H3C11: variants seen among roughly 807,000 people sequenced by gnomAD.
H3C11 encodes H3 clustered histone 11, also known as histone H3.1.
H3C11 carries 10 observed loss-of-function variants against 9.1 expected under a neutral mutation model. That is an observed-to-expected ratio of 1.10 (90% CI 0.68 to 1.86). The LOEUF is 1.86. Ranked by LOEUF, H3C11 falls within the 40% of genes most tolerant of loss-of-function variation. The pLI is 0.00. For synonymous variants in H3C11, 132 were observed against 82.4 expected, an observed-to-expected ratio of 1.60 and a Z score of -3.26; for missense variants, 197 against 192.5, an observed-to-expected ratio of 1.02 and a Z score of -0.14.
chr6:27,871,932 C>T lies in H3C11; in HGVS notation c.384G>A (p.Ala128=), dbSNP rs1293668453. 1.2e-6 allele frequency: 2 copies of T among 1,613,860 alleles called. No individual in the cohort carries two copies. The highest frequency in any genetic ancestry group is 1.3e-5 in the African/African-American group (1 of 74,912). The change falls in exon 1 of 1, where the codon GCG becomes GCA. Residue 128 remains alanine, a synonymous_variant. Transcript: ENST00000616365. Reference sequence around the variant, plus strand: ...ATGCCCTCTCCCCTCGGATGCGGCGCGCAAGCTGGATGTCTTTAGGCATAA... The same window carrying T: ...ATGCCCTCTCCCCTCGGATGCGGCGTGCAAGCTGGATGTCTTTAGGCATAA... ...VTIMPKDIQL[A]RRIRGERA is the part of the protein sequence containing the mutation.
Position 27,871,971 on chromosome 6 carries a change from G to A in H3C11, c.345C>T (p.Ala115=). The part of the protein sequence containing the change: ...FEDTNLCAIH[A]KRVTIMPKDI... ...CTTTAGGCATAATAGTGACGCGTTTGGCGTGAATGGCGCACAGGTTGGTAT... is the reference window on the plus strand; with the variant it reads ...CTTTAGGCATAATAGTGACGCGTTTAGCGTGAATGGCGCACAGGTTGGTAT... Residue 115 remains alanine (A), a synonymous_variant, in exon 1 of 1, where the codon GCC becomes GCT. Transcript: ENST00000616365. The A allele has an allele frequency of 2.5e-6, 4 of 1,614,228 alleles. No homozygotes were observed.
chr6:27,872,080 A>C lies in H3C11; in HGVS notation c.236T>G (p.Phe79Cys). 2 of 1,614,162 alleles carry C rather than the reference A, an allele frequency of 1.2e-6. No individual in the cohort carries two copies. The highest frequency in any genetic ancestry group is 1.7e-6 in the Non-Finnish European group (2 of 1,180,040). ...QRLVREIAQD[F>C]KTDLRFQSSA... is the part of the protein sequence containing the mutation. ...GCTCTGGAAGCGCAGATCGGTCTTAAAGTCCTGTGCGATCTCCCGTACCAA... is the reference window on the plus strand; with the variant it reads ...GCTCTGGAAGCGCAGATCGGTCTTACAGTCCTGTGCGATCTCCCGTACCAA... The change falls in exon 1 of 1, where the codon TTT (phenylalanine) becomes TGT (cysteine). Residue 79 changes from phenylalanine (F) to cysteine (C), a missense_variant. By Grantham distance (205) the Phe-to-Cys change is radical. Coordinates refer to ENST00000616365, the MANE Select transcript of H3C11 (RefSeq NM_003533.3).
In H3C11 at chr6:27,871,925, T is replaced by G; in HGVS notation, c.391A>C (p.Ile131Leu). The G allele has an allele frequency of 1.2e-6, 2 of 1,613,962 alleles. No individual in the cohort carries two copies. The highest frequency in any genetic ancestry group is 1.7e-6 in the Non-Finnish European group (2 of 1,179,818). Residue 131 changes from isoleucine (I) to leucine (L), a missense_variant, in exon 1 of 1, where the codon ATC becomes CTC. Transcript: ENST00000616365. Reference sequence around the variant, plus strand: ...AATATTTATGCCCTCTCCCCTCGGATGCGGCGCGCAAGCTGGATGTCTTTA... The same window carrying G: ...AATATTTATGCCCTCTCCCCTCGGAGGCGGCGCGCAAGCTGGATGTCTTTA... Reference protein sequence around the residue: ...MPKDIQLARRIRGERA With the variant: ...MPKDIQLARRLRGERA
rs779848426 is a variant in H3C11, at chr6:27,872,156, G to A, written c.160C>T (p.Arg54Cys). 1.9e-6 allele frequency: 3 copies of A among 1,614,166 alleles called. No individual in the cohort carries two copies. Among genetic ancestry groups the A allele is most frequent in the Non-Finnish European group, 2.5e-6 (3 of 1,180,010 alleles). The stretch of plus-strand genomic sequence containing the variant: ...AGCAGCTCGGTCGACTTCTGGTAGC[G>A]GCGGATCTCGCGCAGGGCCACGGTG... ...PGTVALREIRRYQKSTELLIR... is the reference protein window; with the variant it reads ...PGTVALREIRCYQKSTELLIR... The change falls in exon 1 of 1, where the codon CGC (arginine) becomes TGC (cysteine). Residue 54 changes from arginine to cysteine, a missense_variant. Physicochemically the swap from Arg to Cys is radical, Grantham distance 180. Transcript: ENST00000616365.
In H3C11 at chr6:27,871,912, C is replaced by G; in HGVS notation, c.404G>C (p.Arg135Thr). The change falls in exon 1 of 1, where the codon AGG becomes ACG. Residue 135 changes from arginine (R) to threonine (T), a missense_variant. By Grantham distance (71) the Arg-to-Thr change is moderately conservative (BLOSUM62 -1). Transcript: ENST00000616365. ...TTGGGCTGATAGGAATATTTATGCC[C>G]TCTCCCCTCGGATGCGGCGCGCAAG... Reference protein sequence around the residue: ...IQLARRIRGERA With the variant: ...IQLARRIRGETA The G allele has an allele frequency of 6.2e-7, 1 of 1,613,214 alleles. No homozygotes were observed. The highest frequency in any genetic ancestry group is 2.2e-5 in the East Asian group (1 of 44,868).
rs749470205 is a variant in H3C11 at position 27,871,919 on chromosome 6, C to A, written c.397G>T (p.Gly133Trp). The A allele has an allele frequency of 3.7e-6, 6 of 1,613,676 alleles. No individual in the cohort carries two copies. The highest frequency in any genetic ancestry group is 5.1e-6 in the Non-Finnish European group (6 of 1,179,732). The change falls in exon 1 of 1, where the codon GGG becomes TGG. Residue 133 changes from glycine to tryptophan, a missense_variant. Transcript: ENST00000616365. Reference protein sequence around the residue: ...KDIQLARRIRGERA With the variant: ...KDIQLARRIRWERA ...GATAGGAATATTTATGCCCTCTCCC[C>A]TCGGATGCGGCGCGCAAGCTGGATG... is the stretch of plus-strand genomic sequence containing the variant.
rs377227516 is a variant in H3C11, at chr6:27,872,135, G to A, written c.181C>T (p.Leu61=). The A allele has an allele frequency of 6.2e-7, 1 of 1,614,204 alleles. No homozygotes were observed. Among genetic ancestry groups the A allele is most frequent in the Non-Finnish European group, 8.5e-7 (1 of 1,180,032 alleles). The change falls in exon 1 of 1, where the codon CTG becomes TTG. Residue 61 remains leucine, a synonymous_variant. Coordinates refer to ENST00000616365, the MANE Select transcript of H3C11 (RefSeq NM_003533.3). ...EIRRYQKSTE[L]LIRKLPFQRL... is the part of the protein sequence containing the mutation. ...TGAAAAGGTAGCTTCCGGATTAGCA[G>A]CTCGGTCGACTTCTGGTAGCGGCGG...
Position 27,872,149 on chromosome 6 carries a change from T to C in H3C11, c.167A>G (p.Gln56Arg). 6.2e-7 allele frequency: 1 copy of C among 1,614,186 alleles called. No homozygotes were observed. The highest frequency in any genetic ancestry group is 8.5e-7 in the Non-Finnish European group (1 of 1,180,020). ...CCGGATTAGCAGCTCGGTCGACTTC[T>C]GGTAGCGGCGGATCTCGCGCAGGGC... ...TVALREIRRY[Q>R]KSTELLIRKL... Residue 56 changes from glutamine (Q) to arginine (R), a missense_variant, in exon 1 of 1, where the codon CAG (glutamine) becomes CGG (arginine). Transcript: ENST00000616365.
chr6:27,872,175 CA>C lies in H3C11; in HGVS notation c.140del (p.Val47GlyfsTer16). 1 of 1,614,058 alleles carries C rather than the reference CA, an allele frequency of 6.2e-7. No homozygotes were observed. The highest frequency in any genetic ancestry group is 8.5e-7 in the Non-Finnish European group (1 of 1,179,966). ...KKPHRYRPGT[V>X]ALREIRRYQK... ...GGTAGCGGCGGATCTCGCGCAGGGC[CA>C]CGGTGCCGGGGCGGTAGCGGTGGGG... On this transcript the variant is annotated frameshift_variant, in exon 1 of 1. Transcript: ENST00000616365. LOFTEE classifies it high-confidence loss of function.
rs1265480179 is a variant in H3C11, at chr6:27,872,148, C to T, written c.168G>A (p.Gln56=). 6.2e-7 allele frequency: 1 copy of T among 1,614,218 alleles called. No individual in the cohort carries two copies. The highest frequency in any genetic ancestry group is 1.1e-5 in the South Asian group (1 of 91,084). The change falls in exon 1 of 1, where the codon CAG becomes CAA. Residue 56 remains glutamine, a synonymous_variant. Transcript: ENST00000616365. The part of the protein sequence containing the change: ...TVALREIRRY[Q]KSTELLIRKL... ...TCCGGATTAGCAGCTCGGTCGACTT[C>T]TGGTAGCGGCGGATCTCGCGCAGGG...
rs1278596256 is a variant in H3C11 at position 27,872,181 on chromosome 6, G to A, written c.135C>T (p.Gly45=). Residue 45 remains glycine, a synonymous_variant, in exon 1 of 1, where the codon GGC becomes GGT. Coordinates refer to ENST00000616365, the MANE Select transcript of H3C11 (RefSeq NM_003533.3). ...GGCGGATCTCGCGCAGGGCCACGGT[G>A]CCGGGGCGGTAGCGGTGGGGCTTCT... ...GVKKPHRYRP[G]TVALREIRRY... 2.5e-6 allele frequency: 4 copies of A among 1,613,988 alleles called. No individual in the cohort carries two copies. Among genetic ancestry groups the A allele is most frequent in the Non-Finnish European group, 3.4e-6 (4 of 1,179,908 alleles).
chr6:27,872,103 C>G lies in H3C11; in HGVS notation c.213G>C (p.Leu71Phe). The G allele has an allele frequency of 6.2e-7, 1 of 1,614,210 alleles. No individual in the cohort carries two copies. The highest frequency in any genetic ancestry group is 8.5e-7 in the Non-Finnish European group (1 of 1,180,046). The change falls in exon 1 of 1, where the codon TTG (leucine) becomes TTC (phenylalanine). Residue 71 changes from leucine (L) to phenylalanine (F), a missense_variant. Transcript: ENST00000616365. ...TAAAGTCCTGTGCGATCTCCCGTAC[C>G]AAGCGCTGAAAAGGTAGCTTCCGGA... ...LLIRKLPFQR[L>F]VREIAQDFKT...
Sources: allele counts gnomAD v4.1 joint callset, GRCh38; gene constraint gnomAD v4.1.1; transcripts MANE v1.5; gene names NCBI Gene and HGNC (gene_info 2026-07-23, HGNC 2026-07-21).